Variants in CCDC3 observed in about 807,000 individuals in gnomAD.
CCDC3 encodes the protein coiled-coil domain containing 3, also known as coiled-coil domain-containing protein 3.
In CCDC3, 24 loss-of-function variants were observed where a neutral mutation model predicts 21.4. That is an observed-to-expected ratio of 1.12 (90% CI 0.81 to 1.58). CCDC3 has a LOEUF of 1.58. Among genes scored for constraint, CCDC3 ranks in the 40% most tolerant of loss-of-function variants. The pLI is 0.00. For synonymous variants in CCDC3, 186 were observed against 166.0 expected, an observed-to-expected ratio of 1.12 and a Z score of -0.93; for missense variants, 425 against 360.9, an observed-to-expected ratio of 1.18 and a Z score of -1.44.
chr10:13,075,366 G>T (rs1156553100), intron 3 of CCDC3, among the ~76,000 whole-genome samples: 1 of 152,110 alleles, frequency 6.6e-6, no homozygotes, highest in Non-Finnish European at 1.5e-5. Context: ...GCTTTTAAAC[G>T]AAATAATAAG....
At chr10:13,067,593 C>T (rs1371776749) in intron 4 of CCDC3, among the ~76,000 whole-genome samples, 1 of 152,148 alleles carries the variant, frequency 6.6e-6, no homozygotes, top group African/African-American at 2.4e-5. Flanking sequence ...GGAGCATGAC[C>T]TGTAACCACG....
intron 2 of CCDC3, among the ~76,000 whole-genome samples, chr10:12,996,874 A>T (rs1364351739): frequency 6.6e-6 from 1 of 152,166 alleles, no homozygotes; most frequent in African/African-American, 2.4e-5. Flanking sequence ...TGGGAGCTAA[A>T]CATTGAGTAC....
rs7101248 is a variant in CCDC3 at position 13,058,358 on chromosome 10, T to A, written c.-269-8417A>T. ...CATGCCAAACCTACTGAGAATCCTGTGGGTCAGCAGCAGTCCAGGACAATA... is the reference window on the plus strand; with the variant it reads ...CATGCCAAACCTACTGAGAATCCTGAGGGTCAGCAGCAGTCCAGGACAATA... On this transcript the variant is annotated intron_variant, in intron 4 of 6. Coordinates refer to the CCDC3 transcript ENST00000378839. The A allele has an allele frequency of 2.2e-3, 2,513 of 1,125,254 alleles. 34 individuals are homozygous for A. The African/African-American group carries it at 0.031, about 14-fold the overall frequency. 69.7% of individuals were successfully genotyped at this position (1,125,254 alleles called of 1,614,324 possible).
rs1202879209 is a variant in CCDC3 at position 12,898,617 on chromosome 10, C to T, written c.612G>A (p.Gln204=). Residue 204 remains glutamine (Q), a synonymous_variant, in exon 3 of 3, where the codon CAG becomes CAA. Transcript: ENST00000378825. Reference sequence around the variant, plus strand: ...GCTTCTCCAGGGTGGCCACTTTCTGCTGCAGTTTCTTGACGTGGTCCTCCT... The same window carrying T: ...GCTTCTCCAGGGTGGCCACTTTCTGTTGCAGTTTCTTGACGTGGTCCTCCT... ...FEEEDHVKKL[Q]QKVATLEKRN... 1.2e-6 allele frequency: 2 copies of T among 1,614,126 alleles called. No individual in the cohort carries two copies. Among genetic ancestry groups the T allele is most frequent in the African/African-American group, 2.7e-5 (2 of 74,954 alleles).
chr10:13,062,756 G>A (rs1836772883), intron 4 of CCDC3, among the ~76,000 whole-genome samples: 1 of 152,148 alleles, frequency 6.6e-6, no homozygotes, highest in African/African-American at 2.4e-5. Flanking sequence ...TTAGCCACAA[G>A]ATTAGAAATT....
intron 5 of CCDC3, among the ~76,000 whole-genome samples, chr10:13,042,521 C>T (rs770391578): frequency 5.9e-5 from 9 of 152,194 alleles, no homozygotes; most frequent in South Asian, 2.1e-4. Context: ...TCATCATCTC[C>T]GAATACCTAT....
rs375077855 is a variant in CCDC3 at position 13,024,187 on chromosome 10, C to T, written c.-2+25487G>A. Among the ~76,000 whole-genome samples, 86 of 151,782 alleles carry T rather than the reference C, an allele frequency of 5.7e-4. 1 individual carries two copies. Among genetic ancestry groups the T allele is most frequent in the African/African-American group, 1.2e-3 (50 of 41,358 alleles). On this transcript the variant is annotated intron_variant, in intron 5 of 6. Coordinates refer to the CCDC3 transcript ENST00000378839. ...TTCCTCCCCATAGAAGTTTGGCGGT[C>T]TTGAGGCATCTTTTCATTTTGAGCT...
At chr10:12,953,951 C>A (rs188285622) in intron 2 of CCDC3, among the ~76,000 whole-genome samples, 1 of 152,276 alleles carries the variant, frequency 6.6e-6, no homozygotes, top group Admixed American at 6.5e-5. Context: ...ACAAAGGCAG[C>A]CACTGACAAG....
chr10:12,916,162 A>G (rs916563395), intron 2 of CCDC3, among the ~76,000 whole-genome samples: 4 of 152,188 alleles, frequency 2.6e-5, no homozygotes, highest in Non-Finnish European at 5.9e-5. Flanking sequence ...GGCCAGGCGC[A>G]GTGGTTCACG....
At position 12,898,671 on chromosome 10, in the gene CCDC3, G is replaced by A. The variant is rs753365750; in HGVS notation, c.558C>T (p.Cys186=). 2 of 1,614,096 alleles carry A rather than the reference G, an allele frequency of 1.2e-6. No individual in the cohort carries two copies. Among genetic ancestry groups the A allele is most frequent in the Non-Finnish European group, 8.5e-7 (1 of 1,179,946 alleles). ...WEIQEDSRLM[C]SSVQKALFEE... is the part of the protein sequence containing the mutation. ...CAAACAAGGCCTTCTGCACCGAGGAGCACATGAGCTGGAGGCAGAGACAGC... is the reference window on the plus strand; with the variant it reads ...CAAACAAGGCCTTCTGCACCGAGGAACACATGAGCTGGAGGCAGAGACAGC... The change falls in exon 3 of 3, where the codon TGC becomes TGT. Residue 186 remains cysteine (C), a synonymous_variant. Coordinates refer to ENST00000378825, the MANE Select transcript of CCDC3 (RefSeq NM_031455.4).
chr10:13,033,882 A>C (rs894250776), intron 5 of CCDC3, among the ~76,000 whole-genome samples: 7 of 152,242 alleles, frequency 4.6e-5, no homozygotes, highest in Non-Finnish European at 8.8e-5. Flanking sequence ...GAACACTTTT[A>C]CACTGTTGGT....
At chr10:13,031,158 G>C (rs1305510882) in intron 5 of CCDC3, among the ~76,000 whole-genome samples, 1 of 152,192 alleles carries the variant, frequency 6.6e-6, no homozygotes, top group Non-Finnish European at 1.5e-5. Flanking sequence ...TCAGACCACA[G>C]TGCAATCAAA....
chr10:12,943,838 A>G (rs1033241494), intron 2 of CCDC3, among the ~76,000 whole-genome samples: 1 of 152,152 alleles, frequency 6.6e-6, no homozygotes, highest in African/African-American at 2.4e-5. Context: ...CTTTCTCTCT[A>G]TTAAACCTCT....
chr10:12,925,736 A>G (rs892307230), intron 2 of CCDC3, among the ~76,000 whole-genome samples: 4 of 152,236 alleles, frequency 2.6e-5, no homozygotes, highest in African/African-American at 7.2e-5. Flanking sequence ...CTCCGTCCCC[A>G]TGTAGTCATC....
At chr10:12,993,330 G>A (rs1428073869) in intron 2 of CCDC3, among the ~76,000 whole-genome samples, 3 of 152,178 alleles carry the variant, frequency 2.0e-5, no homozygotes, top group Non-Finnish European at 4.4e-5. Flanking sequence ...TAGGGGATCT[G>A]CCCACGGTCA....
chr10:12,902,856 C>A (rs536044894), intron 2 of CCDC3, among the ~76,000 whole-genome samples: 1 of 152,194 alleles, frequency 6.6e-6, no homozygotes, highest in East Asian at 1.9e-4. Context: ...AAGACCTTGA[C>A]CCAGGCTGTA....
intron 5 of CCDC3, among the ~76,000 whole-genome samples, chr10:13,023,232 A>C (rs1836170572): frequency 6.6e-6 from 1 of 152,230 alleles, no homozygotes; most frequent in African/African-American, 2.4e-5. Context: ...CATAAAAACC[A>C]CCTATACATT....
At chr10:13,070,993 A>G (rs574645405) in intron 4 of CCDC3, among the ~76,000 whole-genome samples, 21 of 152,332 alleles carry the variant, frequency 1.4e-4, no homozygotes, top group East Asian at 5.8e-4. Flanking sequence ...TCAGAAAAAA[A>G]CAAAAGGGAT....
rs1013069318 is a variant in CCDC3, at chr10:12,940,781, A to C, written c.550-42102T>G. ...GAAAGAGCCTATAGCCTAACCCTCC[A>C]TGTTCCAAGTTCTGCAGAAGAAAAC... On this transcript the variant is annotated intron_variant, in intron 2 of 2. Coordinates refer to ENST00000378825, the MANE Select transcript of CCDC3 (RefSeq NM_031455.4). Among the ~76,000 whole-genome samples, 6 of 152,230 alleles carry C rather than the reference A, an allele frequency of 3.9e-5. No individual in the cohort carries two copies. The South Asian group carries it at 1.2e-3, about 32-fold the overall frequency.
Sources: gnomAD v4.1 joint callset for allele counts (sites outside exome capture counted in the v4.1 genomes callset) on GRCh38, gnomAD v4.1.1 for gene constraint, MANE v1.5 for transcripts, NCBI Gene and HGNC (gene_info 2026-07-23, HGNC 2026-07-21) for gene names.